Variants in GLI2 observed in about 807,000 individuals in gnomAD.
GLI2 encodes the protein transcription activator GLI2.
Under a neutral mutation model 78.9 loss-of-function variants are expected in GLI2, and 22 were observed. That is an observed-to-expected ratio of 0.28 (90% CI 0.20 to 0.40). GLI2 has a LOEUF of 0.40. Ranked by LOEUF, GLI2 falls within the 10% of genes least tolerant of loss-of-function variation. GLI2 has a pLI of 1.00. For missense variants in GLI2, 2,097 were observed against 2,213.2 expected, an observed-to-expected ratio of 0.95 and a Z score of 1.05; for synonymous variants, 974 against 963.7, an observed-to-expected ratio of 1.01 and a Z score of -0.20.
At chr2:120,935,504 T>A (rs1428143749) in intron 3 of GLI2, among the ~76,000 whole-genome samples, 2 of 152,160 alleles carry the variant, frequency 1.3e-5, no homozygotes, top group Non-Finnish European at 2.9e-5. Flanking sequence ...GTGGGATACT[T>A]GGGTCAGACC....
At chr2:120,813,876 T>A (rs1685373241) in intron 2 of GLI2, among the ~76,000 whole-genome samples, 1 of 152,164 alleles carries the variant, frequency 6.6e-6, no homozygotes, top group Non-Finnish European at 1.5e-5. Context: ...TATGGTGTCT[T>A]AGTTATCATT....
intron 1 of GLI2, among the ~76,000 whole-genome samples, chr2:120,780,345 T>G (rs1323014267): frequency 6.6e-6 from 1 of 152,150 alleles, no homozygotes; most frequent in Non-Finnish European, 1.5e-5. Context: ...CATCTTCCCC[T>G]CTTTCTTGCA....
At position 120,852,358 on chromosome 2, in the gene GLI2, C is replaced by T. The variant is rs1264170873; in HGVS notation, c.148+54890C>T. Among the ~76,000 whole-genome samples the T allele has an allele frequency of 2.6e-5, 4 of 152,196 alleles. No homozygotes were observed. The East Asian group carries it at 7.7e-4, about 29-fold the overall frequency. On this transcript the variant is annotated intron_variant, in intron 2 of 13. Coordinates refer to ENST00000361492, the MANE Select transcript of GLI2 (RefSeq NM_001374353.1). ...ATTTTCGGGCCAGCTCTGTGCTGGG[C>T]TTGGGTGGGGCCACTGCAGGCCAAA...
chr2:120,849,329 T>C (rs563977815), intron 2 of GLI2, among the ~76,000 whole-genome samples: 3 of 152,222 alleles, frequency 2.0e-5, no homozygotes, highest in Non-Finnish European at 2.9e-5. Context: ...TTATGTTATA[T>C]ATATTTTACC....
chr2:120,797,507 G>T, intron 2 of GLI2, 39 bp downstream of exon 2: 1 of 1,593,096 alleles, frequency 6.3e-7, no homozygotes, highest in Non-Finnish European at 8.6e-7. Flanking sequence ...CAGCAGGGGT[G>T]TTTTTCATTA....
intron 1 of GLI2, among the ~76,000 whole-genome samples, chr2:120,744,092 C>T (rs989497539): frequency 2.0e-5 from 3 of 152,232 alleles, no homozygotes; most frequent in South Asian, 2.1e-4. Flanking sequence ...AGACTTTCCT[C>T]GAGGCTGAAG....
intron 2 of GLI2, among the ~76,000 whole-genome samples, chr2:120,862,749 G>A (rs1269960691): frequency 6.6e-6 from 1 of 152,214 alleles, no homozygotes; most frequent in Admixed American, 6.5e-5. Context: ...CTGGGTGAGC[G>A]AGTGTGGGGT....
chr2:120,817,453 C>T (rs569450875), intron 2 of GLI2, among the ~76,000 whole-genome samples: 2 of 152,308 alleles, frequency 1.3e-5, no homozygotes, highest in South Asian at 4.2e-4. Context: ...CTGATGAGCT[C>T]GCTGTGGACC....
intron 2 of GLI2, among the ~76,000 whole-genome samples, chr2:120,814,530 C>G (rs1685402119): frequency 6.6e-6 from 1 of 152,148 alleles, no homozygotes; most frequent in African/African-American, 2.4e-5. Flanking sequence ...GGGTCCCATC[C>G]TCCGGCTACA....
intron 2 of GLI2, chr2:120,866,545 TGAC>T: frequency 6.6e-6 from 1 of 152,292 alleles, no homozygotes; most frequent in East Asian, 1.9e-4. Flanking sequence ...CAAAGAGTGA[TGAC>T]GACAATAGCA....
intron 2 of GLI2, among the ~76,000 whole-genome samples, chr2:120,808,515 A>C (rs1685069094): frequency 6.6e-6 from 1 of 152,176 alleles, no homozygotes; most frequent in African/African-American, 2.4e-5. Flanking sequence ...GGGAGGGAAG[A>C]AAAACTTGCC....
At chr2:120,862,525 C>G (rs1435120032) in intron 2 of GLI2, among the ~76,000 whole-genome samples, 1 of 152,182 alleles carries the variant, frequency 6.6e-6, no homozygotes, top group African/African-American at 2.4e-5. Context: ...GACCCCGTCT[C>G]TCTGTCTTCT....
rs992949183 is a variant in GLI2, at chr2:120,800,996, G to T, written c.148+3528G>T. On this transcript the variant is annotated intron_variant, in intron 2 of 13. Coordinates refer to ENST00000361492, the MANE Select transcript of GLI2 (RefSeq NM_001374353.1). The surrounding 1 kb of genome is among the most constrained non-coding windows in gnomAD (Gnocchi z 4.1). ...GATGTGGGGGCACCCTGCATTCCCCGGCAGCTCATGGCCCCTCATGCAGCC... is the reference window on the plus strand; with the variant it reads ...GATGTGGGGGCACCCTGCATTCCCCTGCAGCTCATGGCCCCTCATGCAGCC... 6.6e-6 allele frequency among the ~76,000 whole-genome samples: 1 copy of T among 152,142 alleles called. No homozygotes were observed.
intron 3 of GLI2, among the ~76,000 whole-genome samples, chr2:120,948,696 C>T (rs1680833797): frequency 6.6e-6 from 1 of 152,186 alleles, no homozygotes; most frequent in Non-Finnish European, 1.5e-5. Flanking sequence ...GAAATCCCCA[C>T]GTGATCAATG....
At chr2:120,895,732 A>G (rs1276110933) in intron 2 of GLI2, among the ~76,000 whole-genome samples, 1 of 152,104 alleles carries the variant, frequency 6.6e-6, no homozygotes, top group East Asian at 1.9e-4. Flanking sequence ...AATAACAAAA[A>G]CAAAACAAAA....
chr2:120,777,368 GGCGTGTCT>G (rs1384679839), intron 1 of GLI2, among the ~76,000 whole-genome samples: 2 of 152,038 alleles, frequency 1.3e-5, no homozygotes, highest in South Asian at 4.1e-4. Context: ...GTGGGGGTGA[GGCGTGTCT>G]GAACGAGATG....
chr2:120,769,576 G>A (rs1399455848), intron 1 of GLI2, among the ~76,000 whole-genome samples: 2 of 152,240 alleles, frequency 1.3e-5, no homozygotes, highest in African/African-American at 4.8e-5. Flanking sequence ...GTCCTTCTAG[G>A]AAATAACTTA....
intron 2 of GLI2, among the ~76,000 whole-genome samples, chr2:120,906,096 A>G (rs1271745037): frequency 6.6e-6 from 1 of 152,202 alleles, no homozygotes. Context: ...AGCCACACCT[A>G]CTTGGGGAGC....
chr2:120,847,716 C>T (rs926551094), intron 2 of GLI2, among the ~76,000 whole-genome samples: 6 of 147,012 alleles, frequency 4.1e-5, no homozygotes, highest in African/African-American at 1.5e-4. Flanking sequence ...GCTGGGAGAT[C>T]CTGGTGTTCA....
Sources: gnomAD v4.1 joint callset for allele counts (sites outside exome capture counted in the v4.1 genomes callset) on GRCh38, gnomAD v4.1.1 for gene constraint, Gnocchi (gnomAD v3.1) non-coding constraint, MANE v1.5 for transcripts, NCBI Gene and HGNC (gene_info 2026-07-23, HGNC 2026-07-21) for gene names.